The following NXPE4 variants were observed in gnomAD, a reference collection of about 807,000 sequenced individuals.
The protein encoded by NXPE4 is NXPE family member 4.
Under a neutral mutation model 33.3 loss-of-function variants are expected in NXPE4, and 42 were observed. That is an observed-to-expected ratio of 1.26 (90% CI 0.98 to 1.63). The LOEUF is 1.63. Ranked by LOEUF, NXPE4 falls within the 40% of genes most tolerant of loss-of-function variation. NXPE4 has a pLI of 0.00. For synonymous variants in NXPE4, 253 were observed against 234.9 expected, an observed-to-expected ratio of 1.08 and a Z score of -0.71; for missense variants, 709 against 647.6, an observed-to-expected ratio of 1.09 and a Z score of -1.03.
chr11:114,657,601 A>G, the NXPE4 span, among the ~76,000 whole-genome samples: 5 of 152,142 alleles, frequency 3.3e-5, no homozygotes, highest in Non-Finnish European at 2.9e-5. Context: ...ATGTATATTT[A>G]TATATCATAA....
At chr11:114,611,285 A>G in the NXPE4 span, among the ~76,000 whole-genome samples, 20 of 151,668 alleles carry the variant, frequency 1.3e-4, 1 homozygote, top group Middle Eastern at 6.8e-3. Flanking sequence ...CCTGTCGATA[A>G]TAAGTGTTGC....
At chr11:114,618,469 T>TGC in the NXPE4 span, among the ~76,000 whole-genome samples, 6 of 152,060 alleles carry the variant, frequency 3.9e-5, no homozygotes, top group African/African-American at 1.4e-4. Context: ...TAACCACTGT[T>TGC]ATCCTGTGGA....
the NXPE4 span, among the ~76,000 whole-genome samples, chr11:114,619,587 T>C: frequency 6.6e-6 from 1 of 150,486 alleles, no homozygotes; most frequent in Non-Finnish European, 1.5e-5. Flanking sequence ...TGTTGCCTCG[T>C]GGGTAACCAG....
the NXPE4 span, among the ~76,000 whole-genome samples, chr11:114,614,727 C>T: frequency 1.3e-5 from 2 of 151,458 alleles, no homozygotes; most frequent in Admixed American, 6.6e-5. Flanking sequence ...AGTGTTGCCT[C>T]CTGCGTAACC....
At chr11:114,621,715 A>G in the NXPE4 span, among the ~76,000 whole-genome samples, 1 of 152,128 alleles carries the variant, frequency 6.6e-6, no homozygotes, top group Non-Finnish European at 1.5e-5. Context: ...AGTGGATCAT[A>G]ATGATTGCCC....
chr11:114,650,702 G>A, the NXPE4 span, among the ~76,000 whole-genome samples: 1 of 152,142 alleles, frequency 6.6e-6, no homozygotes, highest in Admixed American at 6.6e-5. Context: ...ATCATAAGTA[G>A]GGCAGGCAAC....
chr11:114,661,968 G>A, the NXPE4 span, among the ~76,000 whole-genome samples: 1 of 152,248 alleles, frequency 6.6e-6, no homozygotes, highest in Middle Eastern at 3.4e-3. Flanking sequence ...GGACCTGTAG[G>A]AGGTGGGGTA....
At chr11:114,648,320 G>T in the NXPE4 span, among the ~76,000 whole-genome samples, 1 of 152,054 alleles carries the variant, frequency 6.6e-6, no homozygotes, top group Non-Finnish European at 1.5e-5. Flanking sequence ...TGAAGGTCCA[G>T]GAAGAGCCAA....
the NXPE4 span, among the ~76,000 whole-genome samples, chr11:114,631,667 GTA>G: frequency 6.6e-6 from 1 of 151,810 alleles, no homozygotes; most frequent in East Asian, 1.9e-4. Flanking sequence ...AAAACTTAAA[GTA>G]TATATATAAA....
At chr11:114,593,122 G>A (rs571430702) in intron 2 of NXPE4, among the ~76,000 whole-genome samples, 6 of 152,018 alleles carry the variant, frequency 3.9e-5, no homozygotes, top group Non-Finnish European at 1.5e-5. Context: ...GTAGCCAGAG[G>A]ATTTTTGGAT....
the NXPE4 span, among the ~76,000 whole-genome samples, chr11:114,607,671 A>C: frequency 6.6e-6 from 1 of 151,612 alleles, no homozygotes; most frequent in African/African-American, 2.4e-5. Flanking sequence ...GTGGATAATA[A>C]GTGTTGAGTT....
At chr11:114,584,773 A>T (rs1022782396) in intron 2 of NXPE4, 4 of 152,538 alleles carry the variant, frequency 2.6e-5, no homozygotes, top group African/African-American at 9.6e-5. Flanking sequence ...TATGTCTTCT[A>T]TTTCTCCAGG....
chr11:114,589,123 G>C (rs960351046), intron 2 of NXPE4, among the ~76,000 whole-genome samples: 3 of 152,116 alleles, frequency 2.0e-5, no homozygotes, highest in African/African-American at 4.8e-5. Context: ...CTTTAAAAAG[G>C]ATATCCAGGA....
the NXPE4 span, among the ~76,000 whole-genome samples, chr11:114,661,251 A>C: frequency 6.6e-6 from 1 of 152,148 alleles, no homozygotes; most frequent in Non-Finnish European, 1.5e-5. Context: ...CAACAACTTG[A>C]TTTTAAAATT....
At chr11:114,619,692 GATA>G in the NXPE4 span, among the ~76,000 whole-genome samples, 191 of 152,218 alleles carry the variant, frequency 1.3e-3, no homozygotes, top group African/African-American at 4.4e-3. Flanking sequence ...TTTCCCAGTG[GATA>G]ATAAGTATTG....
At chr11:114,602,173 A>G in the NXPE4 span, among the ~76,000 whole-genome samples, 43 of 107,376 alleles carry the variant, frequency 4.0e-4, no homozygotes, top group East Asian at 1.3e-3. Context: ...ATAATATATT[A>G]TACTATATAC....
chr11:114,581,145 T>C (rs1949135833), intron 4 of NXPE4, among the ~76,000 whole-genome samples: 1 of 152,214 alleles, frequency 6.6e-6, no homozygotes, highest in Non-Finnish European at 1.5e-5. Context: ...AATGCTGAAC[T>C]TGCAGAGACA....
chr11:114,662,108 C>T, the NXPE4 span, among the ~76,000 whole-genome samples: 3 of 152,270 alleles, frequency 2.0e-5, no homozygotes, highest in Middle Eastern at 3.4e-3. Context: ...CTCATTTTAA[C>T]TCCATATCAC....
At chr11:114,631,457 G>A in the NXPE4 span, among the ~76,000 whole-genome samples, 1 of 147,182 alleles carries the variant, frequency 6.8e-6, no homozygotes, top group African/African-American at 2.5e-5. Flanking sequence ...CTCACTCATA[G>A]GTGGGAACTG....
Sources: allele counts gnomAD v4.1 joint callset (sites outside exome capture counted in the v4.1 genomes callset), GRCh38; gene constraint gnomAD v4.1.1; transcripts MANE v1.5; gene names NCBI Gene and HGNC (gene_info 2026-07-23, HGNC 2026-07-21).